MMP26: variants seen among roughly 807,000 people sequenced by gnomAD.
MMP26 encodes matrix metallopeptidase 26, also known as matrix metalloproteinase-26.
In MMP26, 33 loss-of-function variants were observed where a neutral mutation model predicts 31.0. The observed-to-expected ratio is 1.06, with a 90% CI of 0.81 to 1.42. The LOEUF (loss-of-function observed/expected upper bound fraction) is 1.42, where lower values mean the gene tolerates loss of function less well. Among genes scored for constraint, MMP26 ranks in the 40% most tolerant of loss-of-function variants. The probability of loss-of-function intolerance (pLI) is 0.00; values close to 1 mark genes in which losing one functional copy is unlikely to be tolerated. For synonymous variants in MMP26, 122 were observed against 114.9 expected (o/e 1.06, Z -0.40); for missense variants, 347 against 316.1 (o/e 1.10, Z -0.74).
chr11:4,879,976 A>C (rs536890288), intron 2 of MMP26, among the ~76,000 whole-genome samples: 1 of 152,300 alleles, frequency 6.6e-6, no homozygotes, highest in Non-Finnish European at 1.5e-5. Context: ...TATTTGACCC[A>C]GGCAGGCAGT....
intron 2 of MMP26, among the ~76,000 whole-genome samples, chr11:4,894,316 G>A (rs1850670793): frequency 6.6e-6 from 1 of 152,126 alleles, no homozygotes. Flanking sequence ...AACAGATATT[G>A]TTAAGAACAC....
intron 2 of MMP26, among the ~76,000 whole-genome samples, chr11:4,777,337 A>G (rs949790865): frequency 2.6e-5 from 4 of 152,178 alleles, no homozygotes; most frequent in Non-Finnish European, 5.9e-5. Flanking sequence ...CAGAGGTAAA[A>G]TTCAAACACA....
intron 1 of MMP26, among the ~76,000 whole-genome samples, chr11:4,762,524 A>G (rs976106424): frequency 5.3e-5 from 8 of 152,284 alleles, no homozygotes; most frequent in Middle Eastern, 3.4e-3. Context: ...AGTCAAGATG[A>G]AAGTACTGAC....
intron 2 of MMP26, chr11:4,882,894 T>C (rs772385452): frequency 6.2e-7 from 1 of 1,600,358 alleles, no homozygotes; most frequent in South Asian, 1.1e-5. Flanking sequence ...AGGTAGGAAA[T>C]TGTCAGGACA....
chr11:4,903,588 T>G (rs1850835017), intron 2 of MMP26, among the ~76,000 whole-genome samples: 1 of 152,108 alleles, frequency 6.6e-6, no homozygotes, highest in African/African-American at 2.4e-5. Flanking sequence ...CCCTGTAGTT[T>G]GTCTCACAAT....
chr11:4,892,632 A>T (rs1850641424), intron 2 of MMP26, among the ~76,000 whole-genome samples: 2 of 152,176 alleles, frequency 1.3e-5, no homozygotes, highest in Admixed American at 1.3e-4. Flanking sequence ...CATTTGACTA[A>T]ACTGATCTTG....
intron 2 of MMP26, chr11:4,787,581 C>T (rs1187110707): frequency 6.6e-6 from 1 of 152,300 alleles, no homozygotes; most frequent in Non-Finnish European, 1.5e-5. Context: ...TATGTCCACC[C>T]ACTATTGTCC....
intron 2 of MMP26, among the ~76,000 whole-genome samples, chr11:4,958,937 A>G (rs1003649060): frequency 6.6e-5 from 10 of 152,158 alleles, no homozygotes; most frequent in African/African-American, 9.7e-5. Flanking sequence ...TCTAGATCCA[A>G]TTAACAAATG....
At chr11:4,803,821 A>G (rs750966939) in intron 2 of MMP26, 49 of 1,613,168 alleles carry the variant, frequency 3.0e-5, no homozygotes, top group Non-Finnish European at 4.2e-5. Context: ...CAACTTCAGC[A>G]CAGCCATGTG....
intron 2 of MMP26, among the ~76,000 whole-genome samples, chr11:4,920,734 TA>T (rs1851171326): frequency 1.3e-5 from 2 of 152,208 alleles, no homozygotes; most frequent in Non-Finnish European, 2.9e-5. Flanking sequence ...AATTGTGTTA[TA>T]AAAATCCCTT....
At chr11:4,878,556 T>A (rs2133534185) in intron 2 of MMP26, among the ~76,000 whole-genome samples, 1 of 152,284 alleles carries the variant, frequency 6.6e-6, no homozygotes, top group South Asian at 2.1e-4. Flanking sequence ...CTTTTCTGAC[T>A]TGTGCTTAAT....
Position 4,954,934 on chromosome 11 carries a change from G to A in MMP26, c.-144-33134G>A, listed in dbSNP as rs780366609. On this transcript the variant is annotated intron_variant, in intron 2 of 7. Transcript: ENST00000380390. ...CATGCCCGGCAAAGCGGTGGACAAC[G>A]GCCAGGTTGATGATGGGCAGGTAGA... 6.6e-5 allele frequency: 81 copies of A among 1,219,270 alleles called. 12 individuals are homozygous for A. The highest frequency in any genetic ancestry group is 8.2e-5 in the Non-Finnish European group (71 of 863,680). 75.5% of individuals were successfully genotyped at this position (1,219,270 alleles called of 1,614,324 possible).
At chr11:4,882,565 G>C (rs1459170666) in intron 2 of MMP26, 2 of 1,613,726 alleles carry the variant, frequency 1.2e-6, no homozygotes, top group African/African-American at 2.7e-5. Flanking sequence ...CCTATGTCCT[G>C]ATCCTCCGTA....
intron 1 of MMP26, among the ~76,000 whole-genome samples, chr11:4,713,743 A>G (rs1488292539): frequency 6.6e-6 from 1 of 152,136 alleles, no homozygotes; most frequent in Non-Finnish European, 1.5e-5. Context: ...TATAGGAGGA[A>G]GATAAGTTTA....
chr11:4,874,502 A>G (rs1850353401), intron 2 of MMP26, among the ~76,000 whole-genome samples: 1 of 151,880 alleles, frequency 6.6e-6, no homozygotes, highest in Non-Finnish European at 1.5e-5. Context: ...TGGTTTTCAA[A>G]AATATCTGAA....
chr11:4,758,490 A>G (rs982375895), intron 1 of MMP26, among the ~76,000 whole-genome samples: 1 of 150,576 alleles, frequency 6.6e-6, no homozygotes, highest in African/African-American at 2.4e-5. Context: ...AAAAAAAACT[A>G]AAATAAAGCA....
intron 2 of MMP26, among the ~76,000 whole-genome samples, chr11:4,888,996 C>A (rs1186638549): frequency 1.3e-5 from 2 of 152,104 alleles, no homozygotes; most frequent in Non-Finnish European, 2.9e-5. Context: ...ATGTACTTAT[C>A]CTTGTCATAT....
At chr11:4,908,148 T>A (rs752293085) in intron 2 of MMP26, 1 of 1,614,186 alleles carries the variant, frequency 6.2e-7, no homozygotes. Flanking sequence ...CTGGCTGCCA[T>A]GCATCACTTT....
intron 1 of MMP26, among the ~76,000 whole-genome samples, chr11:4,713,738 G>T (rs1184172737): frequency 1.3e-5 from 2 of 152,126 alleles, no homozygotes; most frequent in Non-Finnish European, 2.9e-5. Flanking sequence ...AATAATATAG[G>T]AGGAAGATAA....
Sources: allele counts gnomAD v4.1 joint callset (sites outside exome capture counted in the v4.1 genomes callset), GRCh38; gene constraint gnomAD v4.1.1; transcripts MANE v1.5; gene names NCBI Gene and HGNC (gene_info 2026-07-23, HGNC 2026-07-21).